The following ABTB2 variants were observed in gnomAD, a reference collection of about 807,000 sequenced individuals.
ABTB2 encodes the protein ankyrin repeat and BTB/POZ domain-containing protein 2.
In ABTB2, 56 loss-of-function variants were observed where a neutral mutation model predicts 104.1. The observed-to-expected ratio is 0.54, with a 90% confidence interval of 0.43 to 0.67. ABTB2 has a LOEUF of 0.67. Ranked by LOEUF, ABTB2 falls within the 30% of genes least tolerant of loss-of-function variation. The pLI is 0.00. For synonymous variants in ABTB2, 606 were observed against 608.2 expected (o/e 1.00, Z 0.05); for missense variants, 1,279 against 1,407.7 (o/e 0.91, Z 1.46).
At chr11:34,319,833 T>C (rs1854980179) in intron 1 of ABTB2, among the ~76,000 whole-genome samples, 1 of 152,130 alleles carries the variant, frequency 6.6e-6, no homozygotes, top group African/African-American at 2.4e-5. Flanking sequence ...CACGCCCAGC[T>C]AATTTTTGTA....
At chr11:34,188,799 T>C (rs2133030294) in intron 3 of ABTB2, among the ~76,000 whole-genome samples, 1 of 152,362 alleles carries the variant, frequency 6.6e-6, no homozygotes, top group Non-Finnish European at 1.5e-5. Flanking sequence ...TTCTTCAGAC[T>C]GAACACACAG....
chr11:34,326,196 A>T (rs1400731065), intron 1 of ABTB2, among the ~76,000 whole-genome samples: 1 of 152,126 alleles, frequency 6.6e-6, no homozygotes, highest in Non-Finnish European at 1.5e-5. Flanking sequence ...TTCCACTTAA[A>T]CATCTAGGAA....
chr11:34,184,169 G>A (rs960403461), intron 3 of ABTB2, among the ~76,000 whole-genome samples: 1 of 152,024 alleles, frequency 6.6e-6, no homozygotes, highest in African/African-American at 2.4e-5. Flanking sequence ...TCTCACGAAA[G>A]GGGGAGCTGC....
At position 34,276,255 on chromosome 11, in the gene ABTB2, A is replaced by T. The variant is rs1042365739; in HGVS notation, c.884-71565T>A. 4.6e-5 allele frequency among the ~76,000 whole-genome samples: 7 copies of T among 152,128 alleles called. 1 individual carries two copies. Among genetic ancestry groups the T allele is most frequent in the Non-Finnish European group, 1.0e-4 (7 of 68,018 alleles). On this transcript the variant is annotated intron_variant, in intron 1 of 16. Coordinates refer to ENST00000435224, the MANE Select transcript of ABTB2 (RefSeq NM_145804.3). ...AAAAAGTTCTGATTCGATGTGACTA[A>T]TAAGTCCCAAGACCACACTGTTGAA...
At position 34,255,830 on chromosome 11, in the gene ABTB2, A is replaced by ATT. The variant is rs140343114; in HGVS notation, c.884-51142_884-51141dup. On this transcript the variant is annotated intron_variant, in intron 1 of 16. Coordinates refer to ENST00000435224, the MANE Select transcript of ABTB2 (RefSeq NM_145804.3). ...CCAGGCCCGCCCAGAAATTAAATAC[A>ATT]TTTTTTTTCCCCTCCTCTACCGGTC... Among the ~76,000 whole-genome samples, 456 of 152,150 alleles carry ATT rather than the reference A, an allele frequency of 3.0e-3. 1 individual carries two copies. Among genetic ancestry groups the ATT allele is most frequent in the Middle Eastern group, 6.8e-3 (2 of 294 alleles).
intron 14 of ABTB2, among the ~76,000 whole-genome samples, chr11:34,157,000 CCT>C (rs1323261635): frequency 2.0e-5 from 3 of 152,160 alleles, no homozygotes; most frequent in Non-Finnish European, 4.4e-5. Context: ...TGTCCTTGGG[CCT>C]CTGTTTCCTC....
intron 1 of ABTB2, among the ~76,000 whole-genome samples, chr11:34,209,440 G>C (rs1853448593): frequency 6.9e-6 from 1 of 145,946 alleles, no homozygotes; most frequent in South Asian, 2.3e-4. Flanking sequence ...CAGTAAACTG[G>C]AAAATTTCCC....
In ABTB2 at chr11:34,322,972, C is replaced by T. The variant is rs146201847; in HGVS notation, c.883+33729G>A. On this transcript the variant is annotated intron_variant, in intron 1 of 16. Transcript: ENST00000435224. ...TCGCCCAGGCTGGAGTGCAGTGGCA[C>T]GATCTCGGCTCACTGCAACCTCTGC... is the stretch of plus-strand genomic sequence containing the variant. Among the ~76,000 whole-genome samples the T allele has an allele frequency of 1.9e-3, 289 of 152,286 alleles. 1 individual carries two copies. The highest frequency in any genetic ancestry group is 2.9e-3 in the Non-Finnish European group (199 of 68,016).
At chr11:34,245,896 A>G (rs1191543989) in intron 1 of ABTB2, among the ~76,000 whole-genome samples, 1 of 152,180 alleles carries the variant, frequency 6.6e-6, no homozygotes, top group Non-Finnish European at 1.5e-5. Flanking sequence ...TAAATGGTAA[A>G]CTGAGTAATA....
intron 1 of ABTB2, among the ~76,000 whole-genome samples, chr11:34,317,027 A>G (rs149452272): frequency 1.2e-4 from 18 of 152,342 alleles, no homozygotes; most frequent in Non-Finnish European, 1.8e-4. Flanking sequence ...GTAGAGGCAC[A>G]AAGCCTGTTT....
At chr11:34,237,914 C>T (rs745422585) in intron 1 of ABTB2, among the ~76,000 whole-genome samples, 17 of 151,942 alleles carry the variant, frequency 1.1e-4, no homozygotes, top group African/African-American at 3.9e-4. Flanking sequence ...AAACAAAAAA[C>T]GCTATGCCAC....
intron 1 of ABTB2, among the ~76,000 whole-genome samples, chr11:34,210,025 C>T (rs891050947): frequency 2.0e-5 from 3 of 152,112 alleles, no homozygotes; most frequent in East Asian, 1.9e-4. Context: ...ACTGGGAAGC[C>T]GCCTTCTTGC....
rs1362262368 is a variant in ABTB2, at chr11:34,152,472, T to TTGC, written c.2990_2992dup (p.Ser997dup). 1.2e-6 allele frequency: 2 copies of TTGC among 1,605,070 alleles called. No individual in the cohort carries two copies. Among genetic ancestry groups the TTGC allele is most frequent in the Non-Finnish European group, 1.7e-6 (2 of 1,176,944 alleles). Reference sequence around the variant, plus strand: ...CTGCAGTGGATCCAGGCCCTGCACTTTGCTGCTGCGGCCGTAGATGAGCTG... The same window carrying TTGC: ...CTGCAGTGGATCCAGGCCCTGCACTTTGCTGCTGCTGCGGCCGTAGATGAGCTG... On this transcript the variant is annotated inframe_insertion, in exon 17 of 17. Transcript: ENST00000435224.
chr11:34,279,192 AT>A (rs1854421048), intron 1 of ABTB2, among the ~76,000 whole-genome samples: 2 of 152,178 alleles, frequency 1.3e-5, no homozygotes, highest in Non-Finnish European at 2.9e-5. Context: ...CTAAGGTGCT[AT>A]TTATTCATTA....
intron 10 of ABTB2, among the ~76,000 whole-genome samples, chr11:34,161,529 CCAGGCACTCAAGGACACA>C (rs1307706959): frequency 1.3e-5 from 2 of 152,118 alleles, no homozygotes. Context: ...AGAGAATATG[CCAGGCACTCAAGGACACA>C]CAGGCCTCCT....
At chr11:34,180,509 A>T (rs1400607542) in intron 3 of ABTB2, among the ~76,000 whole-genome samples, 1 of 152,226 alleles carries the variant, frequency 6.6e-6, no homozygotes, top group Non-Finnish European at 1.5e-5. Flanking sequence ...CAAATCCCAG[A>T]GATGGACAAA....
chr11:34,277,961 C>T (rs1405699736), intron 1 of ABTB2, among the ~76,000 whole-genome samples: 1 of 151,420 alleles, frequency 6.6e-6, no homozygotes, highest in Non-Finnish European at 1.5e-5. Context: ...CCTGCCATCA[C>T]ACCTGGCTAA....
chr11:34,213,566 G>C (rs576870540), intron 1 of ABTB2, among the ~76,000 whole-genome samples: 35 of 152,322 alleles, frequency 2.3e-4, no homozygotes, highest in African/African-American at 8.2e-4. Flanking sequence ...TGGCACTTTG[G>C]TGATTCATCT....
chr11:34,314,935 C>T (rs1854907237), intron 1 of ABTB2, among the ~76,000 whole-genome samples: 2 of 152,158 alleles, frequency 1.3e-5, no homozygotes, highest in Non-Finnish European at 2.9e-5. Context: ...GTACAGTCAG[C>T]CCCTGTGATG....
Sources: allele counts gnomAD v4.1 joint callset (sites outside exome capture counted in the v4.1 genomes callset), GRCh38; gene constraint gnomAD v4.1.1; transcripts MANE v1.5; gene names NCBI Gene and HGNC (gene_info 2026-07-23, HGNC 2026-07-21).